Variants in TDRD12 observed in about 807,000 individuals in gnomAD.
TDRD12 encodes the protein tudor domain containing 12.
Under a neutral mutation model 133.5 loss-of-function variants are expected in TDRD12, and 158 were observed. That is an observed-to-expected ratio of 1.18 (90% CI 1.04 to 1.35). The LOEUF is 1.35. TDRD12 is among the 40% of genes most tolerant of loss of function. The pLI is 0.00. For missense variants in TDRD12, 1,443 were observed against 1,321.3 expected (o/e 1.09, Z -1.43); for synonymous variants, 460 against 477.9 (o/e 0.96, Z 0.49).
chr19:32,815,208 AC>A (rs1408595044), intron 25 of TDRD12, among the ~76,000 whole-genome samples: 1 of 151,370 alleles, frequency 6.6e-6, no homozygotes, highest in African/African-American at 2.4e-5. Flanking sequence ...TGCTCTTGCC[AC>A]CCCCCCACCA....
intron 3 of TDRD12, among the ~76,000 whole-genome samples, chr19:32,741,574 A>G (rs927611829): frequency 2.6e-5 from 4 of 152,144 alleles, no homozygotes; most frequent in African/African-American, 9.7e-5. Flanking sequence ...GATGTTTTAC[A>G]TTTAGTTTGT....
At chr19:32,726,023 C>T (rs771205783) in intron 1 of TDRD12, among the ~76,000 whole-genome samples, 26 of 151,748 alleles carry the variant, frequency 1.7e-4, no homozygotes, top group African/African-American at 3.9e-4. Context: ...AAACATGTAA[C>T]GAAGTTTGCC....
intron 14 of TDRD12, among the ~76,000 whole-genome samples, chr19:32,797,200 C>T (rs1971256874): frequency 6.6e-6 from 1 of 152,068 alleles, no homozygotes; most frequent in African/African-American, 2.4e-5. Context: ...AGGCTGGTCT[C>T]ACACTCCTGA....
chr19:32,743,205 A>G (rs992403453), intron 4 of TDRD12, among the ~76,000 whole-genome samples: 14 of 152,378 alleles, frequency 9.2e-5, no homozygotes, highest in African/African-American at 2.6e-4. Context: ...GCACGCGCGC[A>G]CGGTCTCACC....
At chr19:32,756,533 A>T (rs1599864217) in intron 7 of TDRD12, among the ~76,000 whole-genome samples, 2 of 152,010 alleles carry the variant, frequency 1.3e-5, no homozygotes, top group Admixed American at 1.3e-4. Flanking sequence ...GACTACAGGC[A>T]CCTGCCACCA....
At chr19:32,738,278 T>A (rs74633612) in intron 2 of TDRD12, among the ~76,000 whole-genome samples, 1 of 152,262 alleles carries the variant, frequency 6.6e-6, no homozygotes, top group South Asian at 2.1e-4. Flanking sequence ...TTTTCTTATT[T>A]TACTTTCTAA....
At chr19:32,756,900 C>T in intron 7 of TDRD12, 138 bp from the exon 8 acceptor site, 1 of 647,030 alleles carries the variant, frequency 1.5e-6, no homozygotes, top group Non-Finnish European at 2.7e-6. Context: ...TTTTTAGTCC[C>T]CTCACCTTGT....
At chr19:32,744,518 A>C (rs1207438844) in intron 4 of TDRD12, among the ~76,000 whole-genome samples, 8 of 150,568 alleles carry the variant, frequency 5.3e-5, no homozygotes, top group Non-Finnish European at 1.2e-4. Flanking sequence ...AAAAAAAAAA[A>C]AAAAAACAAA....
chr19:32,813,038 T>C (rs1162528079), intron 24 of TDRD12, among the ~76,000 whole-genome samples: 2 of 151,348 alleles, frequency 1.3e-5, no homozygotes, highest in African/African-American at 4.9e-5. Flanking sequence ...TAACCAAGTG[T>C]GGTGGTGCAT....
At chr19:32,777,444 A>G (rs1859661528) in intron 11 of TDRD12, among the ~76,000 whole-genome samples, 1 of 152,056 alleles carries the variant, frequency 6.6e-6, no homozygotes, top group Admixed American at 6.6e-5. Flanking sequence ...CAGTGTAAGT[A>G]GTCATTTTCT....
rs186027944 is a variant in TDRD12, at chr19:32,723,743, A to G, written c.24+3647A>G. On this transcript the variant is annotated intron_variant, in intron 1 of 27. Coordinates refer to ENST00000444215, the Ensembl canonical transcript of TDRD12. ...TCAGAGAAATATATATTAATACAGT[A>G]TATCTATACTTATTTAGATCTTTCA... Among the ~76,000 whole-genome samples, 377 of 151,172 alleles carry G rather than the reference A, an allele frequency of 2.5e-3. 4 individuals carry two copies. The South Asian group carries it at 0.032, about 13-fold the overall frequency.
At chr19:32,810,115 A>T in exon 23 of TDRD12, 1 of 1,522,614 alleles carries the variant, frequency 6.6e-7, no homozygotes, top group Admixed American at 2.1e-5. Context: ...TATATTTTGA[A>T]TGCAACAAAT....
chr19:32,818,691 C>T (rs1209500945), intron 27 of TDRD12, among the ~76,000 whole-genome samples: 3 of 152,084 alleles, frequency 2.0e-5, no homozygotes, highest in Non-Finnish European at 4.4e-5. Context: ...AGGAGGGGTC[C>T]GGGGGTGAGC....
exon 14 of TDRD12, chr19:32,794,709 G>T (rs1971174115): frequency 2.8e-6 from 2 of 703,090 alleles, no homozygotes; most frequent in Admixed American, 2.0e-5. Flanking sequence ...CTGTGATGTG[G>T]TTGTCATTTC....
chr19:32,800,365 T>G lies in TDRD12; in HGVS notation c.1950+7T>G. ...CTATGGCAATGTCCAACAGGTAACT[T>G]TGTGTGTATGTGTATGTGTATGTGT... is the stretch of plus-strand genomic sequence containing the variant. On this transcript the variant is annotated splice_region_variant and intron_variant, in intron 17 of 27. Coordinates refer to ENST00000444215, the Ensembl canonical transcript of TDRD12. The G allele has an allele frequency of 6.6e-7, 1 of 1,504,978 alleles. No homozygotes were observed. Among genetic ancestry groups the G allele is most frequent in the Non-Finnish European group, 8.8e-7 (1 of 1,133,196 alleles). The allele number at this position is 1,504,978 out of a possible 1,614,324, so 93.2% of individuals were successfully genotyped here. A position where few individuals can be genotyped will look rare whatever the true frequency, so the allele number is the denominator to read the frequency against.
At position 32,810,415 on chromosome 19, in the gene TDRD12, C is replaced by G; in HGVS notation, c.2837+138C>G. 1.1e-5 allele frequency: 7 copies of G among 656,874 alleles called. No homozygotes were observed. The East Asian group carries it at 2.0e-4, about 19-fold the overall frequency. The allele number at this position is 656,874 out of a possible 1,614,324, so 40.7% of individuals were successfully genotyped here. On this transcript the variant is annotated intron_variant, in intron 23 of 27. Transcript: ENST00000444215. ...TGACAGCGGGGTGTCCCCCCAGATG[C>G]CTGCTCCAGTTCTTTGTGGGAAACT...
At chr19:32,797,520 C>T (rs1052326391) in intron 14 of TDRD12, among the ~76,000 whole-genome samples, 2 of 152,180 alleles carry the variant, frequency 1.3e-5, no homozygotes, top group African/African-American at 2.4e-5. Context: ...TGAATGCATA[C>T]GTGTGAAGTG....
At chr19:32,758,957 G>A (rs903966297) in intron 8 of TDRD12, among the ~76,000 whole-genome samples, 2 of 151,876 alleles carry the variant, frequency 1.3e-5, no homozygotes, top group Admixed American at 6.6e-5. Context: ...AAATAAAATT[G>A]TAGGCTGGGC....
At chr19:32,802,720 T>C (rs1971435569) in exon 20 of TDRD12, 1 of 1,536,360 alleles carries the variant, frequency 6.5e-7, no homozygotes, top group Non-Finnish European at 8.7e-7. Context: ...TTCACTTCAG[T>C]TTCCCTGCCT....
Sources: allele counts gnomAD v4.1 joint callset (sites outside exome capture counted in the v4.1 genomes callset), GRCh38; gene constraint gnomAD v4.1.1; transcripts MANE v1.5; gene names NCBI Gene and HGNC (gene_info 2026-07-23, HGNC 2026-07-21).